The following FBLN7 variants were observed in gnomAD, a reference collection of about 807,000 sequenced individuals.
The protein encoded by FBLN7 is fibulin 7.
Under a neutral mutation model 44.0 loss-of-function variants are expected in FBLN7, and 31 were observed. The observed-to-expected ratio is 0.70, with a 90% CI of 0.53 to 0.95. The LOEUF (loss-of-function observed/expected upper bound fraction) is 0.95. Ranked by LOEUF, FBLN7 falls within the 40% of genes least tolerant of loss-of-function variation. The pLI is 0.00. For synonymous variants in FBLN7, 262 were observed against 253.4 expected (o/e 1.03, Z -0.32); for missense variants, 573 against 618.5 (o/e 0.93, Z 0.78).
At chr2:112,156,880 T>TG (rs1681457697) in intron 1 of FBLN7, among the ~76,000 whole-genome samples, 1 of 152,154 alleles carries the variant, frequency 6.6e-6, no homozygotes, top group Admixed American at 6.5e-5. Context: ...GCAGCCTCCC[T>TG]GGGAGAGCGG....
the FBLN7 span, among the ~76,000 whole-genome samples, chr2:112,226,780 A>G: frequency 3.9e-5 from 6 of 152,052 alleles, no homozygotes; most frequent in South Asian, 2.1e-4. Flanking sequence ...CTACACATGA[A>G]TATCCCTCAT....
At chr2:112,164,349 G>C (rs747427271) in intron 2 of FBLN7, among the ~76,000 whole-genome samples, 6 of 152,230 alleles carry the variant, frequency 3.9e-5, no homozygotes, top group Non-Finnish European at 8.8e-5. Flanking sequence ...ACATAGGCCA[G>C]ATGCATTCTG....
Position 112,187,132 on chromosome 2 carries a change from A to G in FBLN7, c.948-2A>G, listed in dbSNP as rs752373171. ...TGCCTCCATTTTGCCTCTCCGCTCC[A>G]GCCAGTGTGAGCGGAACCCCTGCCC... On this transcript the variant is annotated splice_acceptor_variant, in intron 7 of 7. Transcript: ENST00000331203. LOFTEE classifies it high-confidence loss of function. The surrounding 1 kb of genome is among the most constrained non-coding windows in gnomAD (Gnocchi z 5.1). 6.2e-7 allele frequency: 1 copy of G among 1,613,560 alleles called. No homozygotes were observed.
At chr2:112,191,906 C>G (rs1683502446), downstream of FBLN7, among the ~76,000 whole-genome samples, 1 of 152,194 alleles carries the variant, frequency 6.6e-6, no homozygotes, top group Non-Finnish European at 1.5e-5. Flanking sequence ...CAGAGTTTAT[C>G]TTCTGACCGG....
chr2:112,239,321 T>C, the FBLN7 span, among the ~76,000 whole-genome samples: 3 of 152,230 alleles, frequency 2.0e-5, no homozygotes, highest in Non-Finnish European at 1.5e-5. Context: ...ATAATTAGTA[T>C]GTATGACACA....
intron 2 of FBLN7, among the ~76,000 whole-genome samples, chr2:112,160,770 GCAGACGCACAC>G (rs1681786333): frequency 5.5e-5 from 2 of 36,110 alleles, no homozygotes; most frequent in Non-Finnish European, 1.3e-4. Context: ...GCACGCACAC[GCAGACGCACAC>G]GCACGCACAC....
At chr2:112,186,388 C>T (rs563940446) in intron 7 of FBLN7, among the ~76,000 whole-genome samples, 15 of 152,252 alleles carry the variant, frequency 9.9e-5, no homozygotes, top group South Asian at 4.1e-4. Flanking sequence ...GCTTATAATT[C>T]GAGCACTCTG....
chr2:112,200,114 A>T, the FBLN7 span, among the ~76,000 whole-genome samples: 1 of 152,214 alleles, frequency 6.6e-6, no homozygotes, highest in Admixed American at 6.5e-5. Flanking sequence ...TGTTGACTAT[A>T]TGTGGGTTCC....
intron 3 of FBLN7, among the ~76,000 whole-genome samples, chr2:112,171,695 T>C (rs1682469710): frequency 6.6e-6 from 1 of 152,232 alleles, no homozygotes; most frequent in Non-Finnish European, 1.5e-5. Flanking sequence ...CAGTATCATC[T>C]GTGTATAGAT....
In FBLN7 at chr2:112,165,099, C is replaced by T. The variant is rs147579184; in HGVS notation, c.334C>T (p.Arg112Trp). 1.1e-4 allele frequency: 184 copies of T among 1,614,202 alleles called. No homozygotes were observed. The highest frequency in any genetic ancestry group is 5.5e-4 in the African/African-American group (41 of 75,036). Residue 112 changes from arginine to tryptophan, a missense_variant, in exon 3 of 8, where the codon CGG becomes TGG. By Grantham distance (101) the Arg-to-Trp change is moderately radical. Transcript: ENST00000331203. Reference sequence around the variant, plus strand: ...CCATTTTACCTGCAACCCTGGGTTCCGGCTGGTCGGGCCCAGCAGCGTGGT... The same window carrying T: ...CCATTTTACCTGCAACCCTGGGTTCTGGCTGGTCGGGCCCAGCAGCGTGGT... ...EVHFTCNPGF[R>W]LVGPSSVVCL...
At chr2:112,160,776 G>T (rs1183776199) in intron 2 of FBLN7, among the ~76,000 whole-genome samples, 1 of 108,802 alleles carries the variant, frequency 9.2e-6, no homozygotes. Context: ...ACACGCAGAC[G>T]CACACGCACG....
downstream of FBLN7, chr2:112,190,498 A>G (rs146993088): frequency 6.6e-6 from 1 of 152,306 alleles, no homozygotes; most frequent in Non-Finnish European, 1.5e-5. Context: ...GTTCACAGGC[A>G]TCTTTCCAAC....
At chr2:112,160,712 A>G (rs1300827558) in intron 2 of FBLN7, among the ~76,000 whole-genome samples, 1 of 147,332 alleles carries the variant, frequency 6.8e-6, no homozygotes, top group Non-Finnish European at 1.5e-5. Context: ...ACGCACACAC[A>G]CAAGCACGCG....
chr2:112,175,816 G>A lies in FBLN7; in HGVS notation c.509G>A (p.Arg170His), dbSNP rs778268085. 14 of 1,613,968 alleles carry A rather than the reference G, an allele frequency of 8.7e-6. No individual in the cohort carries two copies. The highest frequency in any genetic ancestry group is 1.6e-4 in the Middle Eastern group (1 of 6,084). The change falls in exon 4 of 8, where the codon CGC becomes CAC. Residue 170 changes from arginine (R) to histidine (H), a missense_variant. Physicochemically the swap from Arg to His is conservative, Grantham distance 29. Coordinates refer to ENST00000331203, the MANE Select transcript of FBLN7 (RefSeq NM_153214.3). ...TGTCCTCCAGGAAGGACTGGGAACC[G>A]CTGTCAGCATCAGGCCCAGACTGGT... ...CICPPGRTGN[R>H]CQHQAQTAAP...
At chr2:112,161,803 T>C (rs1681885362) in intron 2 of FBLN7, among the ~76,000 whole-genome samples, 1 of 152,190 alleles carries the variant, frequency 6.6e-6, no homozygotes, top group Non-Finnish European at 1.5e-5. Context: ...AGTGCCAAAT[T>C]CTCTTTTTAA....
At chr2:112,139,018 C>T (rs1263530787) in intron 1 of FBLN7, among the ~76,000 whole-genome samples, 17 of 64,666 alleles carry the variant, frequency 2.6e-4, no homozygotes, top group South Asian at 8.3e-4. Context: ...TCCAGGTCAG[C>T]GTCCCTCCCG....
At chr2:112,164,847 T>G (rs139469931) in intron 2 of FBLN7, among the ~76,000 whole-genome samples, 154 bp from the exon 3 acceptor site, 7 of 152,156 alleles carry the variant, frequency 4.6e-5, no homozygotes, top group African/African-American at 1.7e-4. Flanking sequence ...GAGGACTTGA[T>G]GAGACGCAGC....
At chr2:112,169,273 G>A (rs1044186174) in intron 3 of FBLN7, among the ~76,000 whole-genome samples, 2 of 151,938 alleles carry the variant, frequency 1.3e-5, no homozygotes, top group Admixed American at 6.6e-5. Context: ...ACTCCGTCTC[G>A]GGAGAAAAAC....
the FBLN7 span, chr2:112,233,456 G>C: frequency 1.1e-6 from 1 of 897,608 alleles, no homozygotes; most frequent in Non-Finnish European, 1.7e-6. Context: ...CTTTAAATAA[G>C]CAAATGATTC....
Sources: gnomAD v4.1 joint callset for allele counts (sites outside exome capture counted in the v4.1 genomes callset) on GRCh38, gnomAD v4.1.1 for gene constraint, Gnocchi (gnomAD v3.1) non-coding constraint, MANE v1.5 for transcripts, NCBI Gene and HGNC (gene_info 2026-07-23, HGNC 2026-07-21) for gene names.